Variants in ARRB2 observed in about 807,000 individuals in gnomAD.
ARRB2 encodes the protein arrestin beta 2.
ARRB2 carries 21 observed loss-of-function variants against 53.4 expected under a neutral mutation model. That is an observed-to-expected ratio of 0.39 (90% CI 0.28 to 0.57). The LOEUF is 0.57. Ranked by LOEUF, ARRB2 falls within the 20% of genes least tolerant of loss-of-function variation. The probability of loss-of-function intolerance (pLI) is 0.55; values close to 1 mark genes in which losing one functional copy is unlikely to be tolerated. For synonymous variants in ARRB2, 180 were observed against 212.9 expected, an observed-to-expected ratio of 0.85 and a Z score of 1.34; for missense variants, 369 against 527.5, an observed-to-expected ratio of 0.70 and a Z score of 2.94.
chr17:4,721,065 G>A lies in ARRB2; in HGVS notation c.*26G>A. 1.3e-6 allele frequency: 2 copies of A among 1,557,708 alleles called. No individual in the cohort carries two copies. Among genetic ancestry groups the A allele is most frequent in the African/African-American group, 1.4e-5 (1 of 73,766 alleles). Reference sequence around the variant, plus strand: ...GAAGCGGGGTGGGAAGAAGGGAGGGGATGGGGTTGGGAGAGGTGAGGGCAG... The same window carrying A: ...GAAGCGGGGTGGGAAGAAGGGAGGGAATGGGGTTGGGAGAGGTGAGGGCAG... On this transcript the variant is annotated 3_prime_UTR_variant, in exon 15 of 15. Coordinates refer to ENST00000269260, the MANE Select transcript of ARRB2 (RefSeq NM_004313.4). The surrounding 1 kb of genome is among the most constrained non-coding windows in gnomAD (Gnocchi z 4.2).
rs371410872 is a variant in ARRB2 at position 4,715,019 on chromosome 17, C to A, written c.30C>A (p.Phe10Leu). The A allele has an allele frequency of 3.9e-5, 63 of 1,603,754 alleles. No individual in the cohort carries two copies. Among genetic ancestry groups the A allele is most frequent in the Non-Finnish European group, 5.3e-5 (62 of 1,174,978 alleles). MGEKPGTRV[F>L]KKSSPNCKLT... ...TCCCTTTCTGTTTTGTTAGGGTCTT[C>A]AAGAAGTCGAGCCCTAACTGCAAGG... is the stretch of plus-strand genomic sequence containing the variant. The change falls in exon 2 of 15, where the codon TTC becomes TTA. Residue 10 changes from phenylalanine to leucine, a missense_variant. Coordinates refer to ENST00000269260, the MANE Select transcript of ARRB2 (RefSeq NM_004313.4).
Position 4,718,030 on chromosome 17 carries a change from C to A in ARRB2, c.621+7C>A, listed in dbSNP as rs753693235. 3 of 1,612,704 alleles carry A rather than the reference C, an allele frequency of 1.9e-6. No individual in the cohort carries two copies. The highest frequency in any genetic ancestry group is 2.2e-5 in the South Asian group (2 of 91,070). On this transcript the variant is annotated splice_region_variant and intron_variant, in intron 8 of 14. Transcript: ENST00000269260. ...GGCTTCCCTGGACAAGGAGGTGGGGCGTGAGAGGGTGACACGGATGCCACG... is the reference window on the plus strand; with the variant it reads ...GGCTTCCCTGGACAAGGAGGTGGGGAGTGAGAGGGTGACACGGATGCCACG...
In ARRB2 at chr17:4,715,056, A is replaced by G; in HGVS notation, c.54+13A>G. 5 of 1,605,278 alleles carry G rather than the reference A, an allele frequency of 3.1e-6. No homozygotes were observed. Among genetic ancestry groups the G allele is most frequent in the Non-Finnish European group, 3.4e-6 (4 of 1,175,664 alleles). The stretch of plus-strand genomic sequence containing the variant: ...CCCTAACTGCAAGGTGAGTCTCCAC[A>G]GCACTTACCCTTTTGACCCTCCCTG... On this transcript the variant is annotated intron_variant, in intron 2 of 14. Coordinates refer to ENST00000269260, the MANE Select transcript of ARRB2 (RefSeq NM_004313.4).
chr17:4,715,910 G>C, intron 2 of ARRB2, 63 bp from the exon 3 acceptor site: 3 of 1,597,970 alleles, frequency 1.9e-6, no homozygotes, highest in Non-Finnish European at 2.6e-6. Context: ...AGCCAGTTTT[G>C]AGGGCTCCGA....
At position 4,710,663 on chromosome 17, in the gene ARRB2, C is replaced by T; in HGVS notation, c.-59C>T. 2 of 398,434 alleles carry T rather than the reference C, an allele frequency of 5.0e-6. No individual in the cohort carries two copies. The highest frequency in any genetic ancestry group is 8.9e-6 in the Non-Finnish European group (2 of 225,974). 24.7% of individuals were successfully genotyped at this position (398,434 alleles called of 1,614,324 possible). ...GCGCGGGGAGGAGCAGGGATCTTGG[C>T]AGCGGGCGAGGAGGCTGCGAGCGAG... is the stretch of plus-strand genomic sequence containing the variant. On this transcript the variant is annotated 5_prime_UTR_variant, in exon 1 of 15. Coordinates refer to ENST00000269260, the MANE Select transcript of ARRB2 (RefSeq NM_004313.4).
chr17:4,715,530 G>C, intron 2 of ARRB2: 1 of 229,968 alleles, frequency 4.3e-6, no homozygotes. Flanking sequence ...TGGCTGGTTG[G>C]GCTGAGTCCT....
intron 4 of ARRB2, 106 bp downstream of exon 4, chr17:4,716,297 C>A (rs1228912831): frequency 2.5e-6 from 4 of 1,607,042 alleles, no homozygotes; most frequent in South Asian, 1.1e-5. Flanking sequence ...GAGGTGGAAG[C>A]CAGGAGTAGG....
chr17:4,719,797 C>T (rs948750566), intron 11 of ARRB2, among the ~76,000 whole-genome samples: 6 of 152,098 alleles, frequency 3.9e-5, no homozygotes, highest in African/African-American at 1.2e-4. Flanking sequence ...GCCATCGTGC[C>T]CTCGGGCAGG....
intron 5 of ARRB2, 58 bp downstream of exon 5, chr17:4,716,666 G>C (rs1186398468): frequency 1.3e-6 from 2 of 1,535,322 alleles, no homozygotes. Flanking sequence ...TGTGTCTGGG[G>C]TGGGGGTAAG....
chr17:4,716,578 G>A lies in ARRB2; in HGVS notation c.327G>A (p.Leu109=). ...TGCAGGACCGGCTGCTGAGGAAGCT[G>A]GGCCAGCATGCCCACCCCTTCTTCT... is the stretch of plus-strand genomic sequence containing the variant. The part of the protein sequence containing the change: ...TRLQDRLLRK[L]GQHAHPFFFT... Residue 109 remains leucine (L), a synonymous_variant, in exon 5 of 15, where the codon CTG becomes CTA. Transcript: ENST00000269260. The A allele has an allele frequency of 6.3e-7, 1 of 1,580,822 alleles. No homozygotes were observed. Among genetic ancestry groups the A allele is most frequent in the Non-Finnish European group, 8.6e-7 (1 of 1,165,284 alleles).
chr17:4,720,158 G>C, intron 11 of ARRB2, 58 bp from the exon 12 acceptor site: 1 of 1,544,268 alleles, frequency 6.5e-7, no homozygotes, highest in Non-Finnish European at 8.8e-7. Flanking sequence ...GGAACCCCAC[G>C]GTGGGCCAGG....
intron 8 of ARRB2, 62 bp from the exon 9 acceptor site, chr17:4,718,197 GAC>G: frequency 3.2e-6 from 5 of 1,555,324 alleles, no homozygotes; most frequent in Non-Finnish European, 4.4e-6. Flanking sequence ...TGTGTTTGGG[GAC>G]ACACTGATGA....
At chr17:4,715,517 A>ACC in intron 2 of ARRB2, 1 of 243,134 alleles carries the variant, frequency 4.1e-6, no homozygotes, top group Non-Finnish European at 8.0e-6. Flanking sequence ...ATACACACAC[A>ACC]CCTGGCTGGT....
rs1299850871 is a variant in ARRB2 at position 4,717,318 on chromosome 17, G to A, written c.417+42G>A. 1.2e-6 allele frequency: 2 copies of A among 1,605,538 alleles called. No homozygotes were observed. Among genetic ancestry groups the A allele is most frequent in the African/African-American group, 1.3e-5 (1 of 74,898 alleles). On this transcript the variant is annotated intron_variant, in intron 6 of 14. Coordinates refer to ENST00000269260, the MANE Select transcript of ARRB2 (RefSeq NM_004313.4). The surrounding 1 kb of genome is among the most constrained non-coding windows in gnomAD (Gnocchi z 6.0). ...TCTGAGGGCTCCTAGGGCAGGACAT[G>A]GGCCAGCAGGAGCCTGGAGGCACAG...
intron 10 of ARRB2, 50 bp downstream of exon 10, chr17:4,718,734 T>G: frequency 1.3e-6 from 2 of 1,546,604 alleles, no homozygotes; most frequent in Non-Finnish European, 1.8e-6. Flanking sequence ...AAGAGCAGGA[T>G]CAGGAGAATG....
rs149760709 is a variant in ARRB2 at position 4,713,346 on chromosome 17, T to C, written c.24-1667T>C. 5.5e-3 allele frequency among the ~76,000 whole-genome samples: 789 copies of C among 142,560 alleles called. 4 individuals are homozygous for C. The highest frequency in any genetic ancestry group is 0.02 in the African/African-American group (758 of 38,324). 93.5% of individuals were successfully genotyped at this position (142,560 alleles called of 152,430 possible). Reference sequence around the variant, plus strand: ...CCCATCTATACTAAAAATATAAAAATTAGCGGCCGGGCGTGGTGGCTCACG... The same window carrying C: ...CCCATCTATACTAAAAATATAAAAACTAGCGGCCGGGCGTGGTGGCTCACG... On this transcript the variant is annotated intron_variant, in intron 1 of 14. Coordinates refer to ENST00000269260, the MANE Select transcript of ARRB2 (RefSeq NM_004313.4).
At position 4,717,508 on chromosome 17, in the gene ARRB2, A is replaced by G. The variant is rs76954590; in HGVS notation, c.418-177A>G. On this transcript the variant is annotated intron_variant, in intron 6 of 14. Coordinates refer to ENST00000269260, the MANE Select transcript of ARRB2 (RefSeq NM_004313.4). This position sits in a 1 kb window ranked among gnomAD's most constrained non-coding sequence, Gnocchi z 6.0. ...GGATGGGGGCTCCCCTTGCACTACCATGACCAAGCCTCTGCCAGGTTCTGG... is the reference window on the plus strand; with the variant it reads ...GGATGGGGGCTCCCCTTGCACTACCGTGACCAAGCCTCTGCCAGGTTCTGG... The G allele has an allele frequency of 6.3e-6, 6 of 957,800 alleles. No individual in the cohort carries two copies. The highest frequency in any genetic ancestry group is 9.5e-6 in the Non-Finnish European group (6 of 634,476). 59.3% of individuals were successfully genotyped at this position (957,800 alleles called of 1,614,324 possible). A position where few individuals can be genotyped will look rare whatever the true frequency, so the allele number is the denominator to read the frequency against.
chr17:4,715,262 T>C, intron 2 of ARRB2: 2 of 581,826 alleles, frequency 3.4e-6, no homozygotes. Context: ...CAGGCTTGGG[T>C]CCCCAAGCAA....
At chr17:4,712,716 G>A (rs1326796643) in intron 1 of ARRB2, among the ~76,000 whole-genome samples, 1 of 152,236 alleles carries the variant, frequency 6.6e-6, no homozygotes, top group African/African-American at 2.4e-5. Flanking sequence ...CCCAGCAATG[G>A]GTGGAGTCCA....
Sources: gnomAD v4.1 joint callset for allele counts (sites outside exome capture counted in the v4.1 genomes callset) on GRCh38, gnomAD v4.1.1 for gene constraint, Gnocchi (gnomAD v3.1) non-coding constraint, MANE v1.5 for transcripts, NCBI Gene and HGNC (gene_info 2026-07-23, HGNC 2026-07-21) for gene names.